Variants in OLFM3 observed in about 807,000 individuals in gnomAD.
The protein encoded by OLFM3 is olfactomedin 3, also known as noelin-3.
OLFM3 carries 20 observed loss-of-function variants against 48.6 expected under a neutral mutation model. The ratio of observed to expected loss-of-function variants is 0.41; its 90% CI spans 0.29 to 0.60. OLFM3 has a LOEUF of 0.60. Among genes scored for constraint, OLFM3 ranks in the 20% least tolerant of loss-of-function variants. OLFM3 has a pLI of 0.28. For missense variants in OLFM3, 437 were observed against 544.3 expected, an observed-to-expected ratio of 0.80 and a Z score of 1.96; for synonymous variants, 222 against 198.1, an observed-to-expected ratio of 1.12 and a Z score of -1.01.
chr1:101,885,753 C>T (rs1408239990), intron 1 of OLFM3, among the ~76,000 whole-genome samples: 1 of 152,072 alleles, frequency 6.6e-6, no homozygotes, highest in East Asian at 1.9e-4. Context: ...TACACATAAC[C>T]ACAAAATGTG....
chr1:101,832,891 T>A (rs2100915832), intron 2 of OLFM3, among the ~76,000 whole-genome samples: 1 of 152,332 alleles, frequency 6.6e-6, no homozygotes, highest in Non-Finnish European at 1.5e-5. Flanking sequence ...TAAGACAACA[T>A]TGGAAGCATG....
chr1:101,964,523 G>A (rs111598057), intron 1 of OLFM3, among the ~76,000 whole-genome samples: 2 of 152,088 alleles, frequency 1.3e-5, no homozygotes, highest in Non-Finnish European at 2.9e-5. Context: ...ATAAAGCCTC[G>A]TGTTTCTGTT....
At chr1:101,897,350 G>T (rs561698342) in intron 1 of OLFM3, among the ~76,000 whole-genome samples, 2 of 152,028 alleles carry the variant, frequency 1.3e-5, no homozygotes, top group Non-Finnish European at 2.9e-5. Flanking sequence ...AAACTTACTA[G>T]AATTCCGACA....
chr1:101,904,006 G>A (rs1658476170), intron 1 of OLFM3, among the ~76,000 whole-genome samples: 1 of 151,898 alleles, frequency 6.6e-6, no homozygotes, highest in Non-Finnish European at 1.5e-5. Context: ...TTGGATACAG[G>A]AACAAAGTAT....
At chr1:101,846,870 G>T (rs1253349451) in intron 1 of OLFM3, 4 of 1,612,282 alleles carry the variant, frequency 2.5e-6, no homozygotes, top group Non-Finnish European at 3.4e-6. Context: ...CGACAGCCTC[G>T]TGGTGTTCAG....
At chr1:101,845,795 C>T (rs1172748407) in intron 1 of OLFM3, among the ~76,000 whole-genome samples, 1 of 152,130 alleles carries the variant, frequency 6.6e-6, no homozygotes, top group African/African-American at 2.4e-5. Context: ...TCTGCTGGTG[C>T]CTTAAGCACT....
At chr1:101,950,866 C>T (rs1285326983) in intron 1 of OLFM3, among the ~76,000 whole-genome samples, 2 of 152,152 alleles carry the variant, frequency 1.3e-5, no homozygotes, top group African/African-American at 2.4e-5. Flanking sequence ...AAAAGGAACT[C>T]AATAAATACT....
At chr1:101,849,222 C>T (rs905785325) in intron 1 of OLFM3, among the ~76,000 whole-genome samples, 1 of 152,188 alleles carries the variant, frequency 6.6e-6, no homozygotes, top group South Asian at 2.1e-4. Context: ...AAAACAGCTG[C>T]AATTTGCAAA....
chr1:101,872,092 T>C (rs1657104408), intron 1 of OLFM3, among the ~76,000 whole-genome samples: 1 of 151,914 alleles, frequency 6.6e-6, no homozygotes, highest in African/African-American at 2.4e-5. Context: ...GAACCTGGTG[T>C]GTTTGAGAGG....
intron 1 of OLFM3, among the ~76,000 whole-genome samples, chr1:101,901,072 A>G (rs1455341053): frequency 6.6e-6 from 1 of 152,118 alleles, no homozygotes; most frequent in Non-Finnish European, 1.5e-5. Context: ...AGAGCCTACT[A>G]TATGGTATGA....
At chr1:101,900,505 C>T (rs1478502460) in intron 1 of OLFM3, among the ~76,000 whole-genome samples, 1 of 152,016 alleles carries the variant, frequency 6.6e-6, no homozygotes, top group Non-Finnish European at 1.5e-5. Flanking sequence ...ATAGAGAAGG[C>T]ATTCAGTGGT....
intron 1 of OLFM3, among the ~76,000 whole-genome samples, chr1:101,912,716 C>T (rs377610180): frequency 6.6e-6 from 1 of 152,150 alleles, no homozygotes; most frequent in African/African-American, 2.4e-5. Context: ...CTAGATGATG[C>T]CTTCTACCTA....
intron 1 of OLFM3, among the ~76,000 whole-genome samples, chr1:101,919,898 C>A (rs1659041894): frequency 6.6e-6 from 1 of 152,134 alleles, no homozygotes. Flanking sequence ...CTTACAGGAA[C>A]AAAACAAAAT....
At position 101,836,960 on chromosome 1, in the gene OLFM3, G is replaced by A; in HGVS notation, c.135C>T (p.Cys45=). 1 of 1,614,100 alleles carries A rather than the reference G, an allele frequency of 6.2e-7. No homozygotes were observed. The highest frequency in any genetic ancestry group is 8.5e-7 in the Non-Finnish European group (1 of 1,179,992). The change falls in exon 2 of 6, where the codon TGC becomes TGT. Residue 45 remains cysteine, a synonymous_variant. Coordinates refer to ENST00000370103, the MANE Select transcript of OLFM3 (RefSeq NM_058170.4). ...YSSAQDPDGR[C]ICTVVAPEQN... ...GTTCTGGAGCAACAACTGTGCAAAT[G>A]CACCGCCCATCAGGATCCTGAGCTG... is the stretch of plus-strand genomic sequence containing the variant.
chr1:101,946,026 T>A (rs1233752611), intron 1 of OLFM3, among the ~76,000 whole-genome samples: 1 of 152,218 alleles, frequency 6.6e-6, no homozygotes, highest in Non-Finnish European at 1.5e-5. Flanking sequence ...AGAATGCTGT[T>A]ACTGAGACTA....
chr1:101,868,799 G>T (rs1656958376), intron 1 of OLFM3, among the ~76,000 whole-genome samples: 1 of 152,214 alleles, frequency 6.6e-6, no homozygotes, highest in South Asian at 2.1e-4. Flanking sequence ...TTGGGACAAG[G>T]TTCCCTCTAT....
chr1:101,807,740 G>T (rs983801495), intron 4 of OLFM3, among the ~76,000 whole-genome samples: 1 of 151,768 alleles, frequency 6.6e-6, no homozygotes, highest in Non-Finnish European at 1.5e-5. Flanking sequence ...GAAATCAAAT[G>T]TGATGGCATC....
intron 1 of OLFM3, among the ~76,000 whole-genome samples, chr1:101,911,172 A>G (rs1462007967): frequency 1.3e-5 from 2 of 152,178 alleles, no homozygotes; most frequent in Non-Finnish European, 2.9e-5. Context: ...ATGGAAGCAA[A>G]TATCTGGTAG....
intron 1 of OLFM3, among the ~76,000 whole-genome samples, chr1:101,988,459 G>A (rs115851777): frequency 1.4e-4 from 22 of 152,200 alleles, no homozygotes; most frequent in South Asian, 4.1e-4. Flanking sequence ...GATTTTTGGC[G>A]TAAGTCAAGA....
Sources: gnomAD v4.1 joint callset for allele counts (sites outside exome capture counted in the v4.1 genomes callset) on GRCh38, gnomAD v4.1.1 for gene constraint, MANE v1.5 for transcripts, NCBI Gene and HGNC (gene_info 2026-07-23, HGNC 2026-07-21) for gene names.